UBE2O: variants seen among roughly 807,000 people sequenced by gnomAD.
UBE2O encodes the protein (E3-independent) E2 ubiquitin-conjugating enzyme.
In UBE2O, 15 loss-of-function variants were observed where a neutral mutation model predicts 125.8. The ratio of observed to expected loss-of-function variants is 0.12; its 90% CI spans 0.08 to 0.18. The LOEUF (loss-of-function observed/expected upper bound fraction) is 0.18, where lower values mean the gene tolerates loss of function less well. Among genes scored for constraint, UBE2O ranks in the 10% least tolerant of loss-of-function variants. The probability of loss-of-function intolerance (pLI) is 1.00; values close to 1 mark genes in which losing one functional copy is unlikely to be tolerated. For synonymous variants in UBE2O, 708 were observed against 703.2 expected (o/e 1.01, Z -0.11); for missense variants, 1,280 against 1,723.6 (o/e 0.74, Z 4.56).
chr17:76,452,796 G>T lies in UBE2O; in HGVS notation c.346C>A (p.Pro116Thr). ...ACGCGCACGTAGCCGCGGCGCAGGG[G>T]GCTGGCCCGGCCCTCCTCGTGGCCC... ...GAGHEEGRAS[P>T]LRRGYVRVQW... The change falls in exon 1 of 18, where the codon CCC (proline) becomes ACC (threonine). Residue 116 changes from proline (P) to threonine (T), a missense_variant. This residue lies in a region of UBE2O where 188 missense variants were observed against 192.5 expected (regional missense o/e 0.98). Transcript: ENST00000319380. The surrounding 1 kb of genome is among the most constrained non-coding windows in gnomAD (Gnocchi z 4.4). 6.6e-7 allele frequency: 1 copy of T among 1,522,650 alleles called. No homozygotes were observed. 94.3% of individuals were successfully genotyped at this position (1,522,650 alleles called of 1,614,324 possible).
intron 1 of UBE2O, among the ~76,000 whole-genome samples, chr17:76,450,634 CT>C (rs2073225467): frequency 6.7e-6 from 1 of 149,846 alleles, no homozygotes; most frequent in Admixed American, 6.6e-5. Flanking sequence ...TTTTTCTTTT[CT>C]TTTGAGACAG....
intron 1 of UBE2O, among the ~76,000 whole-genome samples, chr17:76,420,766 G>A (rs2072697080): frequency 6.6e-6 from 1 of 152,174 alleles, no homozygotes. Context: ...TGCACCACCA[G>A]GTGTTGGTCC....
chr17:76,397,425 C>T (rs554834643), intron 13 of UBE2O, among the ~76,000 whole-genome samples: 1 of 152,150 alleles, frequency 6.6e-6, no homozygotes, highest in African/African-American at 2.4e-5. Flanking sequence ...AGAACTGGGT[C>T]GGCTCTCTCC....
rs398120026 is a variant in UBE2O, at chr17:76,419,135, T to TTTA, written c.418-13564_418-13563insTAA. Among the ~76,000 whole-genome samples the TTTA allele has an allele frequency of 9.4e-5, 14 of 149,612 alleles. 1 individual carries two copies. The highest frequency in any genetic ancestry group is 2.1e-4 in the South Asian group (1 of 4,688). ...CCTATCTCTACAGATTTTTTTTTTT[T>TTTA]AAATTAGGCCTGGTGGCTCATGCTC... On this transcript the variant is annotated intron_variant, in intron 1 of 17. Coordinates refer to ENST00000319380, the MANE Select transcript of UBE2O (RefSeq NM_022066.4).
At chr17:76,434,935 C>T (rs1015543013) in intron 1 of UBE2O, among the ~76,000 whole-genome samples, 2 of 151,996 alleles carry the variant, frequency 1.3e-5, no homozygotes, top group Admixed American at 1.3e-4. Flanking sequence ...GGGGCTCGGG[C>T]GCGCCCATCC....
chr17:76,417,793 T>C (rs2072641488), intron 1 of UBE2O, among the ~76,000 whole-genome samples: 1 of 152,094 alleles, frequency 6.6e-6, no homozygotes, highest in Admixed American at 6.5e-5. Flanking sequence ...GAGCAGGTGT[T>C]TGATGCTGCA....
At chr17:76,450,001 G>A (rs2073211163) in intron 1 of UBE2O, among the ~76,000 whole-genome samples, 1 of 151,936 alleles carries the variant, frequency 6.6e-6, no homozygotes, top group African/African-American at 2.4e-5. Flanking sequence ...TGAGGCAGGA[G>A]GATTGTGTGA....
intron 1 of UBE2O, among the ~76,000 whole-genome samples, chr17:76,411,954 A>G (rs2072524319): frequency 6.6e-6 from 1 of 152,140 alleles, no homozygotes; most frequent in Admixed American, 6.5e-5. Context: ...AAGTGCTGGG[A>G]TTACAGGCGT....
At chr17:76,439,245 C>T (rs867630688) in intron 1 of UBE2O, among the ~76,000 whole-genome samples, 7 of 152,274 alleles carry the variant, frequency 4.6e-5, no homozygotes, top group African/African-American at 9.6e-5. Flanking sequence ...GTGCCTAGAA[C>T]GCGGCAGGTG....
Position 76,391,479 on chromosome 17 carries a change from G to C in UBE2O, c.3343C>G (p.Leu1115Val), listed in dbSNP as rs147116338. Reference sequence around the variant, plus strand: ...AAGACCTCGGGGGGCCGCCGCACCAGCTGGGTCATGGACTGCACCACGCGG... The same window carrying C: ...AAGACCTCGGGGGGCCGCCGCACCACCTGGGTCATGGACTGCACCACGCGG... Reference protein sequence around the residue: ...LIRVVQSMTQLVRRPPEVFEQ... With the variant: ...LIRVVQSMTQVVRRPPEVFEQ... The change falls in exon 18 of 18, where the codon CTG becomes GTG. Residue 1115 changes from leucine to valine, a missense_variant. Transcript: ENST00000319380. This position sits in a 1 kb window ranked among gnomAD's most constrained non-coding sequence, Gnocchi z 8.4. 4 of 1,613,834 alleles carry C rather than the reference G, an allele frequency of 2.5e-6. No individual in the cohort carries two copies. Among genetic ancestry groups the C allele is most frequent in the Non-Finnish European group, 3.4e-6 (4 of 1,180,044 alleles).
At chr17:76,429,311 G>A (rs1224068181) in intron 1 of UBE2O, among the ~76,000 whole-genome samples, 7 of 151,920 alleles carry the variant, frequency 4.6e-5, no homozygotes, top group Non-Finnish European at 1.0e-4. Flanking sequence ...TGAGGCTGAG[G>A]TGGGCAGATC....
chr17:76,432,226 C>T (rs960529568), intron 1 of UBE2O, among the ~76,000 whole-genome samples: 1 of 152,154 alleles, frequency 6.6e-6, no homozygotes, highest in Non-Finnish European at 1.5e-5. Flanking sequence ...CATTTCGGCA[C>T]AACCATGTCT....
In UBE2O at chr17:76,405,332, G is replaced by C. The variant is rs1278536646; in HGVS notation, c.478-16C>G. On this transcript the variant is annotated splice_polypyrimidine_tract_variant and intron_variant, in intron 2 of 17. Transcript: ENST00000319380. The surrounding 1 kb of genome is among the most constrained non-coding windows in gnomAD (Gnocchi z 6.1). ...ACTGACTGTCCTGGGGGAGGGAGGA[G>C]ACATGCAAGTCCCGTGGTGCAGCAG... 6.3e-7 allele frequency: 1 copy of C among 1,598,358 alleles called. No homozygotes were observed.
chr17:76,425,055 T>A (rs1217543450), intron 1 of UBE2O, among the ~76,000 whole-genome samples: 1 of 151,110 alleles, frequency 6.6e-6, no homozygotes. Context: ...GTATTTTTAG[T>A]AGAGACGGGA....
chr17:76,415,796 T>C (rs2072591234), intron 1 of UBE2O, among the ~76,000 whole-genome samples: 2 of 44,134 alleles, frequency 4.5e-5, no homozygotes, highest in Admixed American at 4.7e-4. Context: ...AGAGCAAGAC[T>C]GTGTGTGTGT....
chr17:76,444,755 G>A (rs1178775807), intron 1 of UBE2O, among the ~76,000 whole-genome samples: 4 of 152,222 alleles, frequency 2.6e-5, no homozygotes, highest in African/African-American at 9.7e-5. Context: ...GGGGACCAGA[G>A]AAATGCTTTC....
At chr17:76,429,918 G>T (rs984847852) in intron 1 of UBE2O, among the ~76,000 whole-genome samples, 1 of 152,102 alleles carries the variant, frequency 6.6e-6, no homozygotes, top group African/African-American at 2.4e-5. Flanking sequence ...TCTCTCACTC[G>T]CCAGCAAAGG....
chr17:76,449,845 G>A (rs542402155), intron 1 of UBE2O, among the ~76,000 whole-genome samples: 26 of 152,208 alleles, frequency 1.7e-4, no homozygotes, highest in Admixed American at 2.6e-4. Context: ...GCTTGAACCC[G>A]GGAGGCAGAG....
At position 76,400,432 on chromosome 17, in the gene UBE2O, C is replaced by T. The variant is rs2072299841; in HGVS notation, c.1004+9G>A. 3.7e-6 allele frequency: 6 copies of T among 1,606,928 alleles called. No individual in the cohort carries two copies. The highest frequency in any genetic ancestry group is 2.2e-5 in the South Asian group (2 of 90,238). On this transcript the variant is annotated intron_variant, in intron 7 of 17. Transcript: ENST00000319380. The surrounding 1 kb of genome is among the most constrained non-coding windows in gnomAD (Gnocchi z 4.3). ...GCCCCTGGGTTGCTGGCAGTAAGGG[C>T]ATGCTTACCTGCCTAGGTTTTCCTG...
Sources: allele counts gnomAD v4.1 joint callset (sites outside exome capture counted in the v4.1 genomes callset), GRCh38; gene constraint gnomAD v4.1.1; regional missense constraint gnomAD v4.1.1; non-coding constraint Gnocchi (gnomAD v3.1); transcripts MANE v1.5; gene names NCBI Gene and HGNC (gene_info 2026-07-23, HGNC 2026-07-21).